MAML3: variants seen among roughly 807,000 people sequenced by gnomAD.
MAML3 encodes mastermind like transcriptional coactivator 3, also known as mastermind-like protein 3.
MAML3 carries 27 observed loss-of-function variants against 101.9 expected under a neutral mutation model. The observed-to-expected ratio is 0.27, with a 90% CI of 0.20 to 0.37. MAML3 has a LOEUF of 0.37. MAML3 is among the 10% of genes least tolerant of loss of function. The pLI is 1.00. For synonymous variants in MAML3, 501 were observed against 555.9 expected, an observed-to-expected ratio of 0.90 and a Z score of 1.39; for missense variants, 1,316 against 1,444.9, an observed-to-expected ratio of 0.91 and a Z score of 1.45.
chr4:140,121,615 C>T (rs533128396), intron 1 of MAML3, among the ~76,000 whole-genome samples: 26 of 152,320 alleles, frequency 1.7e-4, no homozygotes, highest in African/African-American at 5.8e-4. Context: ...TACAGACATA[C>T]TTTGTTAACT....
intron 1 of MAML3, among the ~76,000 whole-genome samples, chr4:139,992,322 T>C (rs1317637404): frequency 6.6e-6 from 1 of 152,210 alleles, no homozygotes; most frequent in Non-Finnish European, 1.5e-5. Flanking sequence ...TGTGTGGCTA[T>C]ATTTTCATTT....
At position 139,780,817 on chromosome 4, in the gene MAML3, A is replaced by G. The variant is rs542331560; in HGVS notation, c.2080-50150T>C. The stretch of plus-strand genomic sequence containing the variant: ...AGCTAATTTTGTATTTTTAGCAGAG[A>G]CGGGTTTTACAATGTTGGCCAGGCT... On this transcript the variant is annotated intron_variant, in intron 2 of 4. Transcript: ENST00000509479. Among the ~76,000 whole-genome samples the G allele has an allele frequency of 2.0e-5, 3 of 151,946 alleles. No homozygotes were observed. The South Asian group carries it at 6.3e-4, about 32-fold the overall frequency.
intron 1 of MAML3, among the ~76,000 whole-genome samples, chr4:139,952,536 C>T (rs1578614305): frequency 6.6e-6 from 1 of 152,046 alleles, no homozygotes; most frequent in African/African-American, 2.4e-5. Flanking sequence ...AAGAGGAAAA[C>T]AAAATCCCAT....
intron 2 of MAML3, among the ~76,000 whole-genome samples, chr4:139,833,221 C>CG (rs915951296): frequency 6.6e-6 from 1 of 152,042 alleles, no homozygotes; most frequent in Non-Finnish European, 1.5e-5. Context: ...GCCTCTGGCC[C>CG]GGGAACCCAG....
intron 1 of MAML3, among the ~76,000 whole-genome samples, chr4:140,059,441 C>A (rs1206141528): frequency 1.3e-5 from 2 of 152,176 alleles, no homozygotes; most frequent in African/African-American, 2.4e-5. Flanking sequence ...TGATAACACC[C>A]AGTTCCTAAG....
At chr4:139,896,725 C>CATT (rs1480894270) in intron 1 of MAML3, among the ~76,000 whole-genome samples, 3 of 151,824 alleles carry the variant, frequency 2.0e-5, no homozygotes, top group Non-Finnish European at 4.4e-5. Context: ...GAGGGTTGTG[C>CATT]ATTATGTCCA....
chr4:140,057,945 C>T (rs900995291), intron 1 of MAML3, among the ~76,000 whole-genome samples: 2 of 127,160 alleles, frequency 1.6e-5, no homozygotes, highest in Non-Finnish European at 3.2e-5. Context: ...CCGCCACCAC[C>T]ACCTTTCTCT....
intron 1 of MAML3, among the ~76,000 whole-genome samples, chr4:139,949,558 G>T (rs1733797554): frequency 1.3e-5 from 2 of 152,276 alleles, no homozygotes; most frequent in South Asian, 2.1e-4. Context: ...TTATTCTAAA[G>T]AAATACCCAT....
chr4:139,967,469 GACACACAC>G (rs4057112), intron 1 of MAML3, among the ~76,000 whole-genome samples: 4,139 of 141,434 alleles, frequency 0.029, 127 homozygotes, highest in African/African-American at 0.081. Flanking sequence ...CTTTTTAAGG[GACACACAC>G]ACACACACAC....
At chr4:140,043,612 C>G (rs1328769160) in intron 1 of MAML3, among the ~76,000 whole-genome samples, 1 of 152,178 alleles carries the variant, frequency 6.6e-6, no homozygotes, top group Non-Finnish European at 1.5e-5. Context: ...AAGTGGCCAA[C>G]AGCCACAATA....
At chr4:139,727,206 C>T (rs1728508372) in intron 3 of MAML3, among the ~76,000 whole-genome samples, 1 of 152,210 alleles carries the variant, frequency 6.6e-6, no homozygotes, top group Non-Finnish European at 1.5e-5. Flanking sequence ...GAAAAAACAG[C>T]CTCTGACTCG....
Position 140,108,438 on chromosome 4 carries a change from A to C in MAML3, c.468+44422T>G, listed in dbSNP as rs568273426. ...GCTGGTCTGTACATTTCTTGAAACC[A>C]CAGATCAAAGAAAAACTACAAAGAG... On this transcript the variant is annotated intron_variant, in intron 1 of 4. Transcript: ENST00000509479. 1.3e-3 allele frequency among the ~76,000 whole-genome samples: 201 copies of C among 151,920 alleles called. 2 individuals are homozygous for C. Among genetic ancestry groups the C allele is most frequent in the Non-Finnish European group, 2.2e-3 (151 of 67,966 alleles).
chr4:140,054,932 G>C (rs1727328367), intron 1 of MAML3, among the ~76,000 whole-genome samples: 2 of 152,192 alleles, frequency 1.3e-5, no homozygotes, highest in Non-Finnish European at 2.9e-5. Flanking sequence ...TAGAAATTTT[G>C]TCTTCATTTT....
At chr4:139,911,578 T>C (rs1482634042) in intron 1 of MAML3, among the ~76,000 whole-genome samples, 2 of 152,204 alleles carry the variant, frequency 1.3e-5, no homozygotes, top group African/African-American at 4.8e-5. Flanking sequence ...TCTAAATGGT[T>C]GTCTCCTTGC....
intron 1 of MAML3, among the ~76,000 whole-genome samples, chr4:139,936,368 C>G (rs1020772157): frequency 6.6e-6 from 1 of 152,146 alleles, no homozygotes; most frequent in Non-Finnish European, 1.5e-5. Flanking sequence ...GTGCAAACAT[C>G]TTTTTGACAT....
intron 1 of MAML3, among the ~76,000 whole-genome samples, chr4:140,007,404 T>C (rs967892160): frequency 6.6e-6 from 1 of 152,216 alleles, no homozygotes; most frequent in Non-Finnish European, 1.5e-5. Context: ...CCTGGGATTC[T>C]TCCTAATGCT....
At chr4:139,874,820 T>TC (rs968453486) in intron 2 of MAML3, among the ~76,000 whole-genome samples, 12 of 151,178 alleles carry the variant, frequency 7.9e-5, no homozygotes, top group African/African-American at 2.7e-4. Context: ...TTTTTTTTTT[T>TC]TGAGATGGAG....
chr4:140,075,975 T>C (rs990483714), intron 1 of MAML3, among the ~76,000 whole-genome samples: 20 of 152,164 alleles, frequency 1.3e-4, no homozygotes, highest in Non-Finnish European at 1.6e-4. Flanking sequence ...TTGGCCAGGC[T>C]AGTCTCGAAC....
intron 1 of MAML3, among the ~76,000 whole-genome samples, chr4:139,909,385 C>G (rs1732878046): frequency 6.6e-6 from 1 of 152,158 alleles, no homozygotes; most frequent in Non-Finnish European, 1.5e-5. Context: ...GCTTTTGATG[C>G]AAGTATCTCA....
Sources: gnomAD v4.1 joint callset for allele counts (sites outside exome capture counted in the v4.1 genomes callset) on GRCh38, gnomAD v4.1.1 for gene constraint, MANE v1.5 for transcripts, NCBI Gene and HGNC (gene_info 2026-07-23, HGNC 2026-07-21) for gene names.